The following ROR1 variants were observed in gnomAD, a reference collection of about 807,000 sequenced individuals.
The protein encoded by ROR1 is inactive tyrosine-protein kinase transmembrane receptor ROR1.
ROR1 carries 19 observed loss-of-function variants against 78.8 expected under a neutral mutation model. The ratio of observed to expected loss-of-function variants is 0.24; its 90% CI spans 0.17 to 0.35. ROR1 has a LOEUF of 0.35. ROR1 is among the 10% of genes least tolerant of loss of function. The pLI is 1.00. For missense variants in ROR1, 917 were observed against 1,177.8 expected (o/e 0.78, Z 3.24); for synonymous variants, 386 against 433.6 (o/e 0.89, Z 1.36).
chr1:64,072,174 G>A (rs903469551), intron 4 of ROR1, among the ~76,000 whole-genome samples: 7 of 152,192 alleles, frequency 4.6e-5, no homozygotes, highest in African/African-American at 1.7e-4. Flanking sequence ...AATAACAATA[G>A]CATCTATGCA....
At chr1:64,083,248 GAGCTTTTT>G (rs1647118656) in intron 4 of ROR1, among the ~76,000 whole-genome samples, 1 of 152,106 alleles carries the variant, frequency 6.6e-6, no homozygotes, top group Admixed American at 6.5e-5. Flanking sequence ...AATAGAGAGA[GAGCTTTTT>G]AGGAACAGGT....
chr1:63,815,715 T>G (rs1260512809), intron 1 of ROR1, among the ~76,000 whole-genome samples: 1 of 152,156 alleles, frequency 6.6e-6, no homozygotes, highest in Non-Finnish European at 1.5e-5. Flanking sequence ...GGAGCTTTTC[T>G]AATTGTGTGG....
intron 4 of ROR1, among the ~76,000 whole-genome samples, chr1:64,120,947 AG>A (rs549455689): frequency 1.1e-3 from 166 of 151,740 alleles, no homozygotes; most frequent in African/African-American, 3.9e-3. Context: ...ATTAACATCC[AG>A]CCTCAGTCTA....
chr1:63,899,159 G>A (rs1645465310), intron 1 of ROR1, among the ~76,000 whole-genome samples: 1 of 151,794 alleles, frequency 6.6e-6, no homozygotes, highest in African/African-American at 2.4e-5. Context: ...GAGGCCCTAA[G>A]AATACTCTGT....
At chr1:63,826,455 G>GGT (rs2100292477) in intron 1 of ROR1, among the ~76,000 whole-genome samples, 1 of 152,154 alleles carries the variant, frequency 6.6e-6, no homozygotes, top group South Asian at 2.1e-4. Flanking sequence ...AGTATTCCAT[G>GGT]GTGTATACAT....
intron 2 of ROR1, among the ~76,000 whole-genome samples, chr1:64,014,754 A>ATG (rs1646505715): frequency 1.2e-4 from 4 of 34,556 alleles, no homozygotes; most frequent in Non-Finnish European, 2.4e-4. Context: ...ATATATATAT[A>ATG]TATATATATA....
At chr1:64,020,037 C>G (rs1436741578) in intron 2 of ROR1, among the ~76,000 whole-genome samples, 2 of 152,110 alleles carry the variant, frequency 1.3e-5, no homozygotes, top group African/African-American at 4.8e-5. Context: ...GATGCAGCCA[C>G]AAGCTCAAGA....
chr1:64,139,211 T>G (rs188197433), intron 5 of ROR1, among the ~76,000 whole-genome samples: 1 of 124,652 alleles, frequency 8.0e-6, no homozygotes, highest in Non-Finnish European at 1.7e-5. Context: ...TTGATGTAAA[T>G]AATTGGTAAC....
At chr1:64,171,645 G>C (rs138727719) in intron 8 of ROR1, among the ~76,000 whole-genome samples, 348 of 152,288 alleles carry the variant, frequency 2.3e-3, no homozygotes, top group African/African-American at 7.8e-3. Flanking sequence ...GGGACCACAG[G>C]GGGAGGTTTG....
In ROR1 at chr1:63,804,124, G is replaced by C. The variant is rs562993977; in HGVS notation, c.91+29616G>C. ...GGTTGCCAGGGTTAGGGACTCAGGA[G>C]GGGGGCGTCCTGGGAGGGGGATGGC... On this transcript the variant is annotated intron_variant, in intron 1 of 8. Coordinates refer to ENST00000371079, the MANE Select transcript of ROR1 (RefSeq NM_005012.4). 5.5e-4 allele frequency among the ~76,000 whole-genome samples: 83 copies of C among 152,220 alleles called. 2 individuals are homozygous for C. The South Asian group carries it at 0.017, about 31-fold the overall frequency.
intron 2 of ROR1, among the ~76,000 whole-genome samples, chr1:64,048,429 A>G (rs557150781): frequency 1.3e-5 from 2 of 152,300 alleles, no homozygotes; most frequent in East Asian, 3.9e-4. Context: ...GAACATTCCC[A>G]TCCCTGCCCT....
intron 1 of ROR1, among the ~76,000 whole-genome samples, chr1:63,776,730 GTATAAAACAA>G (rs1244050150): frequency 6.6e-6 from 1 of 152,098 alleles, no homozygotes; most frequent in Non-Finnish European, 1.5e-5. Context: ...CCTTTTCTGA[GTATAAAACAA>G]TATAAAACAA....
chr1:64,037,542 G>A (rs1207685047), intron 2 of ROR1, among the ~76,000 whole-genome samples: 1 of 152,168 alleles, frequency 6.6e-6, no homozygotes. Context: ...CTGGGAACTG[G>A]CTAGGCTCTA....
intron 1 of ROR1, among the ~76,000 whole-genome samples, chr1:63,815,871 A>G (rs1341824960): frequency 6.6e-6 from 1 of 152,016 alleles, no homozygotes; most frequent in Non-Finnish European, 1.5e-5. Context: ...CCACTTGGAA[A>G]ACTTCCTGGG....
chr1:63,943,658 C>G (rs1645859478), intron 1 of ROR1, among the ~76,000 whole-genome samples: 1 of 152,198 alleles, frequency 6.6e-6, no homozygotes, highest in Admixed American at 6.5e-5. Context: ...TGCTCCCCGC[C>G]ACCAAGCTGG....
intron 1 of ROR1, among the ~76,000 whole-genome samples, chr1:63,796,292 C>G (rs1447327758): frequency 6.6e-6 from 1 of 152,204 alleles, no homozygotes; most frequent in East Asian, 1.9e-4. Context: ...CTTGCCTTCT[C>G]TGATCCTCAG....
At chr1:63,952,512 C>T (rs1645948338) in intron 1 of ROR1, among the ~76,000 whole-genome samples, 1 of 152,082 alleles carries the variant, frequency 6.6e-6, no homozygotes, top group African/African-American at 2.4e-5. Context: ...AGAAAGAAGG[C>T]CAGTGGCAGC....
intron 1 of ROR1, among the ~76,000 whole-genome samples, chr1:63,814,417 T>A (rs1396674856): frequency 6.6e-6 from 1 of 152,122 alleles, no homozygotes; most frequent in Non-Finnish European, 1.5e-5. Flanking sequence ...GGAAGATAGT[T>A]CTTCCACCGA....
At chr1:63,917,718 C>A (rs3861946) in intron 1 of ROR1, among the ~76,000 whole-genome samples, 65,517 of 152,032 alleles carry the variant, frequency 0.43, 17,520 homozygotes, top group East Asian at 0.84. Flanking sequence ...AGCTGCAGAC[C>A]ACGTGGGGAG....
Sources: allele counts gnomAD v4.1 joint callset (sites outside exome capture counted in the v4.1 genomes callset), GRCh38; gene constraint gnomAD v4.1.1; transcripts MANE v1.5; gene names NCBI Gene and HGNC (gene_info 2026-07-23, HGNC 2026-07-21).